TENM4: variants seen among roughly 807,000 people sequenced by gnomAD.
TENM4 encodes teneurin-4.
In TENM4, 82 loss-of-function variants were observed where a neutral mutation model predicts 243.3. The ratio of observed to expected loss-of-function variants is 0.34; its 90% CI spans 0.28 to 0.40. The LOEUF is 0.40. Ranked by LOEUF, TENM4 falls within the 10% of genes least tolerant of loss-of-function variation. The pLI, the probability that TENM4 is intolerant of heterozygous loss-of-function variation, is 1.00. For missense variants in TENM4, 3,138 were observed against 3,673.3 expected (o/e 0.85, Z 3.77); for synonymous variants, 1,412 against 1,456.3 (o/e 0.97, Z 0.69).
chr11:78,705,904 T>A (rs959365978), intron 27 of TENM4, among the ~76,000 whole-genome samples: 1 of 152,216 alleles, frequency 6.6e-6, no homozygotes, highest in Non-Finnish European at 1.5e-5. Flanking sequence ...AATGAGACAA[T>A]GTACAAGGAA....
At chr11:79,003,994 GAA>G (rs34985685) in intron 6 of TENM4, among the ~76,000 whole-genome samples, 3,842 of 130,996 alleles carry the variant, frequency 0.029, 181 homozygotes, top group African/African-American at 0.098. Context: ...TCTAATTTCA[GAA>G]AAAAAAAAAA....
At chr11:78,790,756 A>G (rs1783952) in intron 15 of TENM4, among the ~76,000 whole-genome samples, 128,705 of 152,226 alleles carry the variant, frequency 0.85, 55,122 homozygotes, top group African/African-American at 0.88. Flanking sequence ...TCCCTTTGAG[A>G]GAAACTCTCA....
intron 1 of TENM4, among the ~76,000 whole-genome samples, chr11:79,340,256 G>A (rs1443950875): frequency 1.3e-5 from 2 of 152,176 alleles, no homozygotes; most frequent in African/African-American, 4.8e-5. Flanking sequence ...ATTGGGTCTT[G>A]TCTTCCATTA....
At chr11:79,254,746 T>G (rs1476699094) in intron 2 of TENM4, among the ~76,000 whole-genome samples, 1 of 151,964 alleles carries the variant, frequency 6.6e-6, no homozygotes, top group Non-Finnish European at 1.5e-5. Context: ...GAGGTGAGAG[T>G]GGAGGAGAGT....
rs752474562 is a variant in TENM4 at position 78,664,779 on chromosome 11, T to C, written c.7409-3188A>G. 4.6e-5 allele frequency among the ~76,000 whole-genome samples: 7 copies of C among 152,286 alleles called. 1 individual carries two copies. The South Asian group carries it at 8.3e-4, about 18-fold the overall frequency. On this transcript the variant is annotated intron_variant, in intron 32 of 33. Transcript: ENST00000278550. The stretch of plus-strand genomic sequence containing the variant: ...GAGGAAAAAATGCCCTATAAAGCCA[T>C]TTTGCCTGAGGCTAAGAACTTGCAT...
intron 4 of TENM4, among the ~76,000 whole-genome samples, chr11:79,108,495 C>A (rs1038408450): frequency 3.3e-5 from 5 of 151,318 alleles, no homozygotes; most frequent in African/African-American, 1.2e-4. Context: ...CATATGTATA[C>A]TGTGTGTGTG....
At chr11:79,373,426 CT>C in intron 1 of TENM4, among the ~76,000 whole-genome samples, 1 of 150,060 alleles carries the variant, frequency 6.7e-6, no homozygotes, top group South Asian at 2.1e-4. Flanking sequence ...GACTGGCTGG[CT>C]GGCTGGATGA....
At chr11:79,073,334 C>G (rs1860463514) in intron 4 of TENM4, among the ~76,000 whole-genome samples, 2 of 152,210 alleles carry the variant, frequency 1.3e-5, no homozygotes, top group South Asian at 4.1e-4. Context: ...TGTGGCCTCT[C>G]TGACTTTGTG....
intron 16 of TENM4, among the ~76,000 whole-genome samples, chr11:78,781,944 A>G (rs555646941): frequency 1.6e-4 from 25 of 152,280 alleles, no homozygotes; most frequent in African/African-American, 6.0e-4. Context: ...TCATCAGCAA[A>G]TTAAACTTGT....
At chr11:79,002,940 TAAGA>T (rs1172305519) in intron 6 of TENM4, among the ~76,000 whole-genome samples, 2 of 152,040 alleles carry the variant, frequency 1.3e-5, no homozygotes, top group African/African-American at 4.8e-5. Flanking sequence ...ATGGCCATTT[TAAGA>T]AAGAACCAAA....
At chr11:79,302,599 A>G (rs1285000570) in intron 1 of TENM4, among the ~76,000 whole-genome samples, 1 of 152,186 alleles carries the variant, frequency 6.6e-6, no homozygotes, top group African/African-American at 2.4e-5. Context: ...CAATACCTGT[A>G]TTTATGAATA....
chr11:79,112,295 A>G (rs1443305762), intron 4 of TENM4, among the ~76,000 whole-genome samples: 1 of 152,228 alleles, frequency 6.6e-6, no homozygotes, highest in East Asian at 1.9e-4. Context: ...ATTCTCAGAA[A>G]TCCAGATAGA....
chr11:79,320,193 GT>G (rs1856865202), intron 1 of TENM4, among the ~76,000 whole-genome samples: 1 of 152,196 alleles, frequency 6.6e-6, no homozygotes, highest in African/African-American at 2.4e-5. Flanking sequence ...TGCACTCAGT[GT>G]TTACCTGTGG....
chr11:78,997,232 G>A (rs868491529), intron 6 of TENM4, among the ~76,000 whole-genome samples: 3 of 152,150 alleles, frequency 2.0e-5, no homozygotes, highest in African/African-American at 4.8e-5. Flanking sequence ...AAAATTCAGA[G>A]CAGTCCAGCG....
chr11:78,938,909 A>C (rs1288662626), intron 6 of TENM4, among the ~76,000 whole-genome samples: 3 of 152,252 alleles, frequency 2.0e-5, no homozygotes, highest in Non-Finnish European at 4.4e-5. Flanking sequence ...CAGCAAAAAC[A>C]GAAGAGATTT....
intron 21 of TENM4, among the ~76,000 whole-genome samples, chr11:78,731,046 G>C (rs916450174): frequency 6.6e-6 from 1 of 152,154 alleles, no homozygotes; most frequent in African/African-American, 2.4e-5. Context: ...GAAAATCCAA[G>C]AGTTTGTTTA....
chr11:78,771,048 G>A lies in TENM4; in HGVS notation c.2483C>T (p.Ala828Val), dbSNP rs1856636259. ...HCVCQLGWRG[A>V]GCDTSMETAC... is the part of the protein sequence containing the mutation. ...AGTCTCCATGGAAGTGTCACAGCCAGCTCCTCTCCAGCCCAGCTGGCAGAC... is the reference window on the plus strand; with the variant it reads ...AGTCTCCATGGAAGTGTCACAGCCAACTCCTCTCCAGCCCAGCTGGCAGAC... The change falls in exon 18 of 34, where the codon GCT (alanine) becomes GTT (valine). Residue 828 changes from alanine to valine, a missense_variant. This residue lies in a region of TENM4 where 2,467 missense variants were observed against 3,059.1 expected (regional missense o/e 0.81). Coordinates refer to ENST00000278550, the MANE Select transcript of TENM4 (RefSeq NM_001098816.3). The A allele has an allele frequency of 1.9e-6, 3 of 1,581,414 alleles. No homozygotes were observed. Among genetic ancestry groups the A allele is most frequent in the Non-Finnish European group, 2.6e-6 (3 of 1,163,668 alleles).
At chr11:79,173,790 G>A (rs1368907381) in intron 3 of TENM4, among the ~76,000 whole-genome samples, 5 of 152,128 alleles carry the variant, frequency 3.3e-5, no homozygotes, top group East Asian at 1.9e-4. Context: ...TGCAGTTGCC[G>A]CCTGAGCAAG....
intron 12 of TENM4, among the ~76,000 whole-genome samples, chr11:78,834,847 A>C (rs1332760202): frequency 6.6e-6 from 1 of 152,116 alleles, no homozygotes; most frequent in African/African-American, 2.4e-5. Context: ...TCCACGTCAC[A>C]TAGACTCTGA....
Sources: gnomAD v4.1 joint callset for allele counts (sites outside exome capture counted in the v4.1 genomes callset) on GRCh38, gnomAD v4.1.1 for gene constraint, gnomAD v4.1.1 regional missense constraint, MANE v1.5 for transcripts, NCBI Gene and HGNC (gene_info 2026-07-23, HGNC 2026-07-21) for gene names.